Variants in GPC6 observed in about 807,000 individuals in gnomAD.
GPC6 encodes glypican-6.
In GPC6, 14 loss-of-function variants were observed where a neutral mutation model predicts 55.2. The observed-to-expected ratio is 0.25, with a 90% CI of 0.17 to 0.40. The LOEUF (loss-of-function observed/expected upper bound fraction) is 0.40, where lower values mean the gene tolerates loss of function less well. GPC6 is among the 10% of genes least tolerant of loss of function. The pLI is 1.00. For missense variants in GPC6, 641 were observed against 708.5 expected (o/e 0.90, Z 1.08); for synonymous variants, 278 against 259.6 (o/e 1.07, Z -0.68).
At chr13:93,347,568 G>T (rs552733558) in intron 1 of GPC6, among the ~76,000 whole-genome samples, 36 of 152,226 alleles carry the variant, frequency 2.4e-4, no homozygotes, top group African/African-American at 8.4e-4. Context: ...CCAACATCGA[G>T]TCTAATGCTT....
chr13:93,938,117 T>G (rs138060548), intron 3 of GPC6, among the ~76,000 whole-genome samples: 2 of 152,200 alleles, frequency 1.3e-5, no homozygotes, highest in African/African-American at 2.4e-5. Flanking sequence ...AATGCAAGTT[T>G]ATTCTAAATG....
intron 4 of GPC6, among the ~76,000 whole-genome samples, chr13:94,101,641 G>T (rs1312812081): frequency 2.6e-5 from 4 of 152,224 alleles, no homozygotes; most frequent in Non-Finnish European, 2.9e-5. Flanking sequence ...AATAATGCAG[G>T]GAAAGAATGC....
At chr13:94,166,428 A>G (rs559038067) in intron 4 of GPC6, among the ~76,000 whole-genome samples, 2 of 152,210 alleles carry the variant, frequency 1.3e-5, no homozygotes, top group South Asian at 2.1e-4. Flanking sequence ...AAACCCATTC[A>G]TGTTGCAACC....
intron 7 of GPC6, among the ~76,000 whole-genome samples, chr13:94,398,258 T>C (rs905082064): frequency 3.3e-5 from 5 of 151,724 alleles, no homozygotes; most frequent in African/African-American, 1.2e-4. Flanking sequence ...AAAAAACTAG[T>C]CTGAGGCTAT....
chr13:93,941,154 A>G (rs1212253618), intron 3 of GPC6, among the ~76,000 whole-genome samples: 3 of 152,232 alleles, frequency 2.0e-5, no homozygotes, highest in African/African-American at 7.2e-5. Flanking sequence ...TATTTAAGAC[A>G]GCCTATAGAA....
intron 2 of GPC6, among the ~76,000 whole-genome samples, chr13:93,545,659 T>G (rs1874750219): frequency 6.6e-6 from 1 of 152,102 alleles, no homozygotes; most frequent in Non-Finnish European, 1.5e-5. Context: ...GCTTTGCCTG[T>G]GAGATTTATT....
chr13:93,823,328 CT>C (rs1198582667), intron 2 of GPC6, among the ~76,000 whole-genome samples: 12 of 152,120 alleles, frequency 7.9e-5, no homozygotes, highest in African/African-American at 2.9e-4. Context: ...CAAAGCCATC[CT>C]GCTGTCTTGT....
At chr13:94,202,126 T>A (rs1469399991) in intron 4 of GPC6, among the ~76,000 whole-genome samples, 2 of 152,192 alleles carry the variant, frequency 1.3e-5, no homozygotes, top group African/African-American at 2.4e-5. Context: ...ACTCCTCAAA[T>A]GGATCATAAA....
rs565551921 is a variant in GPC6 at position 93,877,054 on chromosome 13, T to A, written c.711+46509T>A. 2.2e-4 allele frequency among the ~76,000 whole-genome samples: 33 copies of A among 152,212 alleles called. No individual in the cohort carries two copies. The South Asian group carries it at 6.2e-3, about 29-fold the overall frequency. On this transcript the variant is annotated intron_variant, in intron 3 of 8. Coordinates refer to ENST00000377047, the MANE Select transcript of GPC6 (RefSeq NM_005708.5). ...TCTTCAATATGACAAATTGTAGGAA[T>A]GGGTATATCTTCCTGAGGGAAATAT...
intron 3 of GPC6, among the ~76,000 whole-genome samples, chr13:93,846,803 T>C (rs1482223397): frequency 2.0e-5 from 3 of 152,138 alleles, no homozygotes; most frequent in Admixed American, 1.3e-4. Context: ...TTTTGGTGTG[T>C]ATTTTGTGCT....
At chr13:93,389,282 G>A (rs557756599) in intron 1 of GPC6, among the ~76,000 whole-genome samples, 2 of 152,070 alleles carry the variant, frequency 1.3e-5, no homozygotes, top group South Asian at 4.2e-4. Context: ...CAGATCACGA[G>A]GTCAGGAGAT....
intron 1 of GPC6, among the ~76,000 whole-genome samples, chr13:93,472,423 C>T (rs77298392): frequency 0.038 from 5,766 of 152,152 alleles, 392 homozygotes; most frequent in East Asian, 0.28. Flanking sequence ...GTGTGGGGTC[C>T]GGCCACTGTG....
intron 3 of GPC6, among the ~76,000 whole-genome samples, chr13:93,835,632 A>G (rs1166611383): frequency 1.3e-5 from 2 of 152,092 alleles, no homozygotes; most frequent in Admixed American, 6.6e-5. Context: ...CATGCCTGTA[A>G]TCCCAGCTAC....
chr13:93,454,775 G>A (rs1208977791), intron 1 of GPC6, among the ~76,000 whole-genome samples: 4 of 152,220 alleles, frequency 2.6e-5, no homozygotes, highest in African/African-American at 9.6e-5. Flanking sequence ...CCAGTCCCGC[G>A]CCCTGCGCCT....
At chr13:93,374,333 A>G (rs1874796968) in intron 1 of GPC6, among the ~76,000 whole-genome samples, 1 of 152,180 alleles carries the variant, frequency 6.6e-6, no homozygotes, top group South Asian at 2.1e-4. Flanking sequence ...GGCCCGATTA[A>G]GAACATTCTC....
rs538106670 is a variant in GPC6, at chr13:93,509,883, C to A, written c.161-35380C>A. ...GTTTTGCATAATAGTTAGGACAGCT[C>A]TGCTTGGTTTCTGATTCTTAGGCGC... On this transcript the variant is annotated intron_variant, in intron 1 of 8. Coordinates refer to ENST00000377047, the MANE Select transcript of GPC6 (RefSeq NM_005708.5). Among the ~76,000 whole-genome samples the A allele has an allele frequency of 7.2e-5, 11 of 152,332 alleles. No homozygotes were observed. In the South Asian group the frequency reaches 2.3e-3, roughly 32 times the overall value.
chr13:93,222,111 T>A (rs1875642722), upstream of GPC6, among the ~76,000 whole-genome samples: 1 of 152,246 alleles, frequency 6.6e-6, no homozygotes, highest in Non-Finnish European at 1.5e-5. Flanking sequence ...AACAGCCAAT[T>A]GTTTTACTTA....
chr13:93,679,313 C>T (rs1881762834), intron 2 of GPC6, among the ~76,000 whole-genome samples: 1 of 152,038 alleles, frequency 6.6e-6, no homozygotes, highest in African/African-American at 2.4e-5. Context: ...TTAAATCCAT[C>T]AAGAGAAATG....
chr13:93,798,545 C>T (rs9524223), intron 2 of GPC6, among the ~76,000 whole-genome samples: 50,083 of 151,904 alleles, frequency 0.33, 8,665 homozygotes, highest in African/African-American at 0.43. Context: ...GTGAATTCTC[C>T]GCTACAGACA....
Sources: allele counts gnomAD v4.1 joint callset (sites outside exome capture counted in the v4.1 genomes callset), GRCh38; gene constraint gnomAD v4.1.1; transcripts MANE v1.5; gene names NCBI Gene and HGNC (gene_info 2026-07-23, HGNC 2026-07-21).